RBFOX1: variants seen among roughly 807,000 people sequenced by gnomAD.
RBFOX1 encodes the protein RNA binding protein fox-1 homolog 1.
Under a neutral mutation model 57.7 loss-of-function variants are expected in RBFOX1, and 8 were observed. The ratio of observed to expected loss-of-function variants is 0.14; its 90% CI spans 0.08 to 0.25. The LOEUF (loss-of-function observed/expected upper bound fraction) is 0.25, where lower values mean the gene tolerates loss of function less well. RBFOX1 is among the 10% of genes least tolerant of loss of function. RBFOX1 has a pLI of 1.00. For missense variants in RBFOX1, 611 were observed against 548.5 expected (o/e 1.11, Z -1.14); for synonymous variants, 326 against 222.4 (o/e 1.47, Z -4.15).
chr16:7,485,772 T>G (rs1466408310), intron 4 of RBFOX1, among the ~76,000 whole-genome samples: 1 of 152,240 alleles, frequency 6.6e-6, no homozygotes, highest in Non-Finnish European at 1.5e-5. Flanking sequence ...TGTCTGAATA[T>G]TACATCCCTT....
chr16:7,284,789 C>T (rs2095616130), intron 4 of RBFOX1, among the ~76,000 whole-genome samples: 2 of 152,200 alleles, frequency 1.3e-5, no homozygotes, highest in African/African-American at 4.8e-5. Context: ...AATAACTCTG[C>T]ACAAGTTCAG....
chr16:5,286,607 G>A (rs1178761864), intron 1 of RBFOX1, among the ~76,000 whole-genome samples: 5 of 152,218 alleles, frequency 3.3e-5, no homozygotes, highest in African/African-American at 1.2e-4. Flanking sequence ...CAGTAGAACA[G>A]TCAGAATGGA....
intron 2 of RBFOX1, among the ~76,000 whole-genome samples, chr16:6,365,038 G>A (rs2089316080): frequency 6.6e-6 from 1 of 152,132 alleles, no homozygotes; most frequent in South Asian, 2.1e-4. Context: ...CACAGGGAGA[G>A]GTCTTGGCAA....
chr16:6,690,051 T>G (rs2059987652), intron 3 of RBFOX1, among the ~76,000 whole-genome samples: 1 of 152,218 alleles, frequency 6.6e-6, no homozygotes, highest in African/African-American at 2.4e-5. Flanking sequence ...AAAAGAATCC[T>G]TGCTTTATTT....
chr16:6,803,868 A>G (rs961949727), intron 3 of RBFOX1, among the ~76,000 whole-genome samples: 2 of 152,180 alleles, frequency 1.3e-5, no homozygotes, highest in Non-Finnish European at 2.9e-5. Context: ...ATAAAAAACC[A>G]TGCTGTAAGC....
intron 2 of RBFOX1, among the ~76,000 whole-genome samples, chr16:6,605,093 G>T (rs970627431): frequency 6.6e-6 from 1 of 151,926 alleles, no homozygotes; most frequent in East Asian, 1.9e-4. Flanking sequence ...ACACAAATTA[G>T]CTGGGCACAG....
intron 3 of RBFOX1, among the ~76,000 whole-genome samples, chr16:5,768,383 A>G (rs2053861124): frequency 6.6e-6 from 1 of 152,106 alleles, no homozygotes; most frequent in Non-Finnish European, 1.5e-5. Flanking sequence ...TCTTTTGCAT[A>G]TTATTAGAAA....
chr16:7,313,016 G>C (rs764507821), intron 4 of RBFOX1, among the ~76,000 whole-genome samples: 1 of 152,058 alleles, frequency 6.6e-6, no homozygotes, highest in Non-Finnish European at 1.5e-5. Flanking sequence ...TCATGCCCTG[G>C]ATCTGTTGTA....
chr16:6,136,349 G>C (rs1459022303), intron 1 of RBFOX1, among the ~76,000 whole-genome samples: 3 of 152,076 alleles, frequency 2.0e-5, no homozygotes, highest in African/African-American at 7.2e-5. Context: ...TGTAATCGCA[G>C]TTGAGCCGTA....
rs1555705865 is a variant in RBFOX1, at chr16:6,977,947, A to AAATAAATAAAT, written c.-15-74108_-15-74107insTAAATAAATAA. On this transcript the variant is annotated intron_variant, in intron 3 of 15. Transcript: ENST00000550418. ...TCCAGCCTCCCCAGGGAAAAAAAAA[A>AAATAAATAAAT]AAAAGGCAAACCTCCTTTCCCAATG... Among the ~76,000 whole-genome samples the AAATAAATAAAT allele has an allele frequency of 5.5e-5, 8 of 146,064 alleles. No individual in the cohort carries two copies. The East Asian group carries it at 6.1e-4, about 11-fold the overall frequency.
chr16:7,589,912 G>GGTGT (rs3029164), intron 7 of RBFOX1, among the ~76,000 whole-genome samples: 12,319 of 134,906 alleles, frequency 0.091, 905 homozygotes, highest in African/African-American at 0.19. Flanking sequence ...GTGTGTGCTG[G>GGTGT]GTGTGTGTGT....
At chr16:7,685,406 C>A (rs558452475) in intron 14 of RBFOX1, among the ~76,000 whole-genome samples, 1 of 152,030 alleles carries the variant, frequency 6.6e-6, no homozygotes, top group Non-Finnish European at 1.5e-5. Context: ...GATCCGTGGA[C>A]GGAAACAGTT....
intron 3 of RBFOX1, among the ~76,000 whole-genome samples, chr16:6,818,918 C>A (rs915547347): frequency 3.3e-4 from 50 of 152,308 alleles, no homozygotes; most frequent in African/African-American, 1.2e-3. Flanking sequence ...TCTGGGCATG[C>A]TGAACTGATA....
intron 2 of RBFOX1, among the ~76,000 whole-genome samples, chr16:6,340,951 A>G (rs1342014259): frequency 3.3e-5 from 5 of 152,182 alleles, no homozygotes; most frequent in Non-Finnish European, 5.9e-5. Flanking sequence ...TAGGAAAACC[A>G]GAAGAAAAAA....
chr16:5,611,207 G>A (rs189051897), intron 3 of RBFOX1: 1 of 152,344 alleles, frequency 6.6e-6, no homozygotes, highest in African/African-American at 2.4e-5. Flanking sequence ...TTAAGGTACT[G>A]CCTTACCTAG....
chr16:7,563,175 C>G (rs6500986), intron 5 of RBFOX1, among the ~76,000 whole-genome samples: 80,191 of 151,962 alleles, frequency 0.53, 21,523 homozygotes, highest in Admixed American at 0.57. Flanking sequence ...ATGCTAATCA[C>G]TCAACCAGGA....
chr16:6,845,490 G>C (rs554113649), intron 3 of RBFOX1, among the ~76,000 whole-genome samples: 185 of 152,202 alleles, frequency 1.2e-3, no homozygotes, highest in Admixed American at 3.2e-3. Context: ...AGATGGATGG[G>C]GGTGTGCAGT....
intron 3 of RBFOX1, among the ~76,000 whole-genome samples, chr16:6,696,515 G>T (rs544974048): frequency 3.9e-5 from 6 of 152,088 alleles, no homozygotes; most frequent in African/African-American, 1.2e-4. Context: ...CATTGTAGCC[G>T]AATTAGATGG....
At chr16:6,356,736 C>T (rs1251504153) in intron 2 of RBFOX1, among the ~76,000 whole-genome samples, 1 of 152,164 alleles carries the variant, frequency 6.6e-6, no homozygotes, top group East Asian at 1.9e-4. Flanking sequence ...AGGCGAAAAA[C>T]AAGGGAATCA....
Sources: allele counts gnomAD v4.1 joint callset (sites outside exome capture counted in the v4.1 genomes callset), GRCh38; gene constraint gnomAD v4.1.1; transcripts MANE v1.5; gene names NCBI Gene and HGNC (gene_info 2026-07-23, HGNC 2026-07-21).